The following RAPGEF5 variants were observed in gnomAD, a reference collection of about 807,000 sequenced individuals.
RAPGEF5 encodes the protein M-Ras-regulated GEF.
A neutral mutation model predicts 125.2 loss-of-function variants in RAPGEF5; 65 were observed. The ratio of observed to expected loss-of-function variants is 0.52; its 90% CI spans 0.43 to 0.64. The LOEUF (loss-of-function observed/expected upper bound fraction) is 0.64, where lower values mean the gene tolerates loss of function less well. RAPGEF5 is among the 30% of genes least tolerant of loss of function. The pLI is 0.00. For missense variants in RAPGEF5, 958 were observed against 1,048.1 expected, an observed-to-expected ratio of 0.91 and a Z score of 1.19; for synonymous variants, 391 against 385.9, an observed-to-expected ratio of 1.01 and a Z score of -0.16.
intron 5 of RAPGEF5, among the ~76,000 whole-genome samples, chr7:22,291,731 T>C (rs2528920): frequency 0.52 from 78,435 of 152,050 alleles, 21,156 homozygotes; most frequent in East Asian, 0.69. Flanking sequence ...ATGAGGAATA[T>C]AAAAACGCAG....
chr7:22,328,257 G>T (rs1422841927), intron 1 of RAPGEF5, among the ~76,000 whole-genome samples: 1 of 152,208 alleles, frequency 6.6e-6, no homozygotes, highest in African/African-American at 2.4e-5. Flanking sequence ...CCTTCTCCTG[G>T]AAAATTCCCA....
intron 24 of RAPGEF5, 28 bp from the exon 25 acceptor site, chr7:22,125,686 A>G: frequency 1.3e-6 from 2 of 1,585,852 alleles, no homozygotes; most frequent in Non-Finnish European, 1.7e-6. Flanking sequence ...AAACACATCA[A>G]TGGAAGGGTC....
chr7:22,248,271 C>T (rs867133344), intron 7 of RAPGEF5, among the ~76,000 whole-genome samples: 3 of 152,128 alleles, frequency 2.0e-5, no homozygotes, highest in African/African-American at 7.2e-5. Flanking sequence ...CATTTGGTTA[C>T]AAGGCTAACC....
intron 18 of RAPGEF5, among the ~76,000 whole-genome samples, chr7:22,148,923 A>C (rs147863206): frequency 2.0e-5 from 3 of 152,312 alleles, no homozygotes; most frequent in Non-Finnish European, 4.4e-5. Flanking sequence ...ATTTACTCAA[A>C]AATGCTGTGC....
At chr7:22,326,263 T>G (rs1479393281) in intron 1 of RAPGEF5, among the ~76,000 whole-genome samples, 1 of 152,204 alleles carries the variant, frequency 6.6e-6, no homozygotes, top group Non-Finnish European at 1.5e-5. Flanking sequence ...AGCAGCAGAA[T>G]GGACCTCCGG....
chr7:22,315,361 CTG>C lies in RAPGEF5; in HGVS notation c.389+7_389+8del. On this transcript the variant is annotated splice_region_variant and intron_variant, in intron 3 of 25. Coordinates refer to ENST00000665637, the MANE Select transcript of RAPGEF5 (RefSeq NM_012294.5). ...GAATTTCTGACAAGGTGTTAGAAAA[CTG>C]TGTTACCTGTAAAACCCCTTGAGGT... 2 of 1,539,248 alleles carry C rather than the reference CTG, an allele frequency of 1.3e-6. No homozygotes were observed. Among genetic ancestry groups the C allele is most frequent in the Admixed American group, 2.0e-5 (1 of 49,928 alleles).
intron 11 of RAPGEF5, among the ~76,000 whole-genome samples, chr7:22,175,902 A>G (rs1004124413): frequency 4.6e-5 from 7 of 152,220 alleles, no homozygotes; most frequent in African/African-American, 1.7e-4. Context: ...GAAATACATC[A>G]TCATTCCCAA....
chr7:22,151,475 T>A (rs2128107504), intron 17 of RAPGEF5, among the ~76,000 whole-genome samples: 1 of 150,026 alleles, frequency 6.7e-6, no homozygotes, highest in East Asian at 2.0e-4. Context: ...TTTTTTTTTT[T>A]TTTTGAGACA....
chr7:22,253,947 G>C (rs1386627193), intron 7 of RAPGEF5, among the ~76,000 whole-genome samples: 2 of 152,168 alleles, frequency 1.3e-5, no homozygotes, highest in Non-Finnish European at 2.9e-5. Flanking sequence ...CATAAAAGCA[G>C]AAGCTATTCC....
At chr7:22,181,301 A>C (rs535225624) in intron 11 of RAPGEF5, among the ~76,000 whole-genome samples, 118 of 152,332 alleles carry the variant, frequency 7.7e-4, no homozygotes, top group African/African-American at 2.8e-3. Flanking sequence ...ACAGGTGAAG[A>C]ATATTGAAAG....
intron 8 of RAPGEF5, among the ~76,000 whole-genome samples, chr7:22,227,145 G>A (rs1785938004): frequency 6.6e-6 from 1 of 151,440 alleles, no homozygotes; most frequent in South Asian, 2.1e-4. Context: ...ATTTTCTCTT[G>A]TTTTGACCTA....
chr7:22,232,102 G>T (rs1250168706), intron 7 of RAPGEF5, among the ~76,000 whole-genome samples: 2 of 152,042 alleles, frequency 1.3e-5, no homozygotes, highest in East Asian at 3.9e-4. Flanking sequence ...TAGACAAAAT[G>T]GACACAACTT....
chr7:22,350,518 A>C (rs1784311571), intron 1 of RAPGEF5, among the ~76,000 whole-genome samples: 1 of 152,218 alleles, frequency 6.6e-6, no homozygotes, highest in South Asian at 2.1e-4. Context: ...TATTCATGGA[A>C]AAACCTGATC....
intron 1 of RAPGEF5, among the ~76,000 whole-genome samples, chr7:22,345,114 T>C (rs986913018): frequency 7.2e-5 from 11 of 152,210 alleles, no homozygotes; most frequent in African/African-American, 2.4e-4. Flanking sequence ...CCTCCAGGGA[T>C]TCTGATGCAG....
intron 3 of RAPGEF5, 113 bp downstream of exon 3, chr7:22,315,257 C>T: frequency 2.4e-6 from 3 of 1,246,366 alleles, no homozygotes; most frequent in Non-Finnish European, 3.2e-6. Context: ...ACAAACAAAC[C>T]CTCCTACTAC....
rs1039319448 is a variant in RAPGEF5 at position 22,349,239 on chromosome 7, C to T, written c.231+7591G>A. Among the ~76,000 whole-genome samples the T allele has an allele frequency of 6.6e-5, 10 of 151,674 alleles. No homozygotes were observed. The South Asian group carries it at 2.1e-3, about 31-fold the overall frequency. On this transcript the variant is annotated intron_variant, in intron 1 of 25. Transcript: ENST00000665637. ...AGGAGTTCAAGACCAGCCTGGCCAA[C>T]GTGGTGAAACCCTGTCTCTACTAAA...
chr7:22,213,421 T>A (rs902584673), intron 9 of RAPGEF5, among the ~76,000 whole-genome samples: 1 of 152,232 alleles, frequency 6.6e-6, no homozygotes, highest in African/African-American at 2.4e-5. Flanking sequence ...AAATGTCTTA[T>A]TTAGAGACTT....
chr7:22,254,531 T>C (rs941145177), intron 7 of RAPGEF5, among the ~76,000 whole-genome samples: 52 of 144,754 alleles, frequency 3.6e-4, no homozygotes, highest in Non-Finnish European at 6.0e-4. Flanking sequence ...TCGCTTGAAC[T>C]CAGGAGGCAG....
intron 9 of RAPGEF5, chr7:22,202,971 C>T (rs76002316): frequency 0.011 from 3,185 of 284,172 alleles, 27 homozygotes; most frequent in Non-Finnish European, 0.017. Flanking sequence ...TCCAAGTATA[C>T]TAACACTGAA....
Sources: gnomAD v4.1 joint callset for allele counts (sites outside exome capture counted in the v4.1 genomes callset) on GRCh38, gnomAD v4.1.1 for gene constraint, MANE v1.5 for transcripts, NCBI Gene and HGNC (gene_info 2026-07-23, HGNC 2026-07-21) for gene names.